The following COL21A1 variants were observed in gnomAD, a reference collection of about 807,000 sequenced individuals.
The protein encoded by COL21A1 is collagen type XXI alpha 1 chain, also known as collagen alpha-1(XXI) chain.
COL21A1 carries 149 observed loss-of-function variants against 137.9 expected under a neutral mutation model. The ratio of observed to expected loss-of-function variants is 1.08; its 90% CI spans 0.95 to 1.24. The LOEUF (loss-of-function observed/expected upper bound fraction) is 1.24. COL21A1 is among the 50% of genes most tolerant of loss of function. The pLI, the probability that COL21A1 is intolerant of heterozygous loss-of-function variation, is 0.00. For missense variants in COL21A1, 1,167 were observed against 1,158.4 expected, an observed-to-expected ratio of 1.01 and a Z score of -0.11; for synonymous variants, 456 against 391.5, an observed-to-expected ratio of 1.16 and a Z score of -1.95.
intron 1 of COL21A1, among the ~76,000 whole-genome samples, chr6:56,385,446 T>C (rs777521508): frequency 6.6e-6 from 1 of 152,220 alleles, no homozygotes; most frequent in Non-Finnish European, 1.5e-5. Context: ...CCTTAGCTCA[T>C]GGCCCCTTCC....
At position 56,067,286 on chromosome 6, in the gene COL21A1, A is replaced by G. The variant is rs745379261; in HGVS notation, c.2127+9T>C. The stretch of plus-strand genomic sequence containing the variant: ...TGCTCAGCCTACTAAAAAAAAGCAA[A>G]CAACATACCTGAATACCTTTTTCAC... On this transcript the variant is annotated intron_variant, in intron 23 of 29. Transcript: ENST00000244728. 1 of 1,603,978 alleles carries G rather than the reference A, an allele frequency of 6.2e-7. No homozygotes were observed.
intron 17 of COL21A1, among the ~76,000 whole-genome samples, chr6:56,100,253 G>A (rs2152164093): frequency 6.6e-6 from 1 of 152,130 alleles, no homozygotes; most frequent in East Asian, 1.9e-4. Context: ...TTGATTCCCA[G>A]TCATCCTTTC....
At chr6:56,282,311 GA>G (rs1421379689) in intron 1 of COL21A1, among the ~76,000 whole-genome samples, 1 of 152,226 alleles carries the variant, frequency 6.6e-6, no homozygotes, top group South Asian at 2.1e-4. Context: ...TCCTGTTGAG[GA>G]ATGGTAGTAA....
chr6:56,168,528 C>A (rs532212701), intron 5 of COL21A1, among the ~76,000 whole-genome samples: 1 of 152,068 alleles, frequency 6.6e-6, no homozygotes, highest in Non-Finnish European at 1.5e-5. Flanking sequence ...AACTGTCAAA[C>A]AACTTACTAA....
chr6:56,320,058 C>T (rs1472224431), intron 1 of COL21A1, among the ~76,000 whole-genome samples: 1 of 152,124 alleles, frequency 6.6e-6, no homozygotes, highest in Non-Finnish European at 1.5e-5. Flanking sequence ...TACTTGGATA[C>T]TTAATAAGTC....
chr6:56,102,899 A>ATTCG (rs201867294), intron 16 of COL21A1, among the ~76,000 whole-genome samples: 1 of 151,678 alleles, frequency 6.6e-6, no homozygotes, highest in African/African-American at 2.4e-5. Flanking sequence ...GAGGGAGAGA[A>ATTCG]GTTACTGCTA....
intron 1 of COL21A1, among the ~76,000 whole-genome samples, chr6:56,351,833 G>C (rs1397940180): frequency 6.6e-6 from 1 of 152,160 alleles, no homozygotes; most frequent in Non-Finnish European, 1.5e-5. Flanking sequence ...ACATTCTCCA[G>C]ATGATTTTAA....
chr6:56,260,113 G>T (rs1430847740), intron 1 of COL21A1, among the ~76,000 whole-genome samples: 2 of 152,156 alleles, frequency 1.3e-5, no homozygotes, highest in East Asian at 1.9e-4. Context: ...TGTAACCAAT[G>T]AGTCCAATTT....
At chr6:56,209,947 T>A (rs1407684523) in intron 1 of COL21A1, among the ~76,000 whole-genome samples, 2 of 152,032 alleles carry the variant, frequency 1.3e-5, no homozygotes, top group Non-Finnish European at 2.9e-5. Context: ...TATACAGCCA[T>A]AAAGAAGGAG....
intron 10 of COL21A1, among the ~76,000 whole-genome samples, chr6:56,148,363 AG>A (rs1199098029): frequency 3.3e-5 from 5 of 151,692 alleles, no homozygotes; most frequent in African/African-American, 1.2e-4. Context: ...AGAGAGAGAG[AG>A]AGAGAAACAC....
chr6:56,161,294 T>A (rs1218814743), intron 9 of COL21A1, among the ~76,000 whole-genome samples: 1 of 152,222 alleles, frequency 6.6e-6, no homozygotes, highest in East Asian at 1.9e-4. Flanking sequence ...ACCTAATACA[T>A]CTAACGTTTC....
intron 12 of COL21A1, among the ~76,000 whole-genome samples, chr6:56,137,966 T>TGCA (rs1774122166): frequency 6.6e-6 from 1 of 152,168 alleles, no homozygotes; most frequent in Admixed American, 6.5e-5. Context: ...CACTCAACAA[T>TGCA]GCCTAATATC....
chr6:56,269,541 G>C (rs1763473726), intron 1 of COL21A1, among the ~76,000 whole-genome samples: 1 of 150,676 alleles, frequency 6.6e-6, no homozygotes, highest in Non-Finnish European at 1.5e-5. Context: ...TGTAGTCCCA[G>C]CTACTTGGGA....
intron 1 of COL21A1, among the ~76,000 whole-genome samples, chr6:56,262,362 C>T (rs1763299001): frequency 6.6e-6 from 1 of 152,142 alleles, no homozygotes. Flanking sequence ...CCATGGCAGG[C>T]ACTGTTCTGA....
chr6:56,092,282 A>G (rs1004716739), intron 17 of COL21A1, among the ~76,000 whole-genome samples: 50 of 152,146 alleles, frequency 3.3e-4, no homozygotes, highest in African/African-American at 1.2e-3. Flanking sequence ...GACAACAAAA[A>G]CCCAACTGGG....
chr6:56,154,227 T>G (rs1375990854), intron 10 of COL21A1, among the ~76,000 whole-genome samples: 3 of 152,172 alleles, frequency 2.0e-5, no homozygotes, highest in Non-Finnish European at 4.4e-5. Flanking sequence ...CACACTCTCA[T>G]CTTGTGATAA....
At chr6:56,320,518 AACACACAC>A (rs55942460) in intron 1 of COL21A1, among the ~76,000 whole-genome samples, 26,493 of 149,432 alleles carry the variant, frequency 0.18, 3,385 homozygotes, top group African/African-American at 0.37. Flanking sequence ...ACACAATCTG[AACACACAC>A]ACACACACAC....
chr6:56,154,339 G>A (rs1775572303), intron 10 of COL21A1, among the ~76,000 whole-genome samples: 3 of 152,220 alleles, frequency 2.0e-5, no homozygotes, highest in South Asian at 2.1e-4. Context: ...TACTTAGTCT[G>A]TGGCATTCTG....
At chr6:56,184,765 T>C (rs554506042) in intron 1 of COL21A1, among the ~76,000 whole-genome samples, 95 of 152,320 alleles carry the variant, frequency 6.2e-4, no homozygotes, top group African/African-American at 2.3e-3. Flanking sequence ...GGCGATGGCA[T>C]CTGGATATGA....
Sources: gnomAD v4.1 joint callset for allele counts (sites outside exome capture counted in the v4.1 genomes callset) on GRCh38, gnomAD v4.1.1 for gene constraint, MANE v1.5 for transcripts, NCBI Gene and HGNC (gene_info 2026-07-23, HGNC 2026-07-21) for gene names.